Variants in FREM1 observed in about 807,000 individuals in gnomAD.
The protein encoded by FREM1 is FRAS1-related extracellular matrix protein 1.
FREM1 carries 220 observed loss-of-function variants against 210.1 expected under a neutral mutation model. The ratio of observed to expected loss-of-function variants is 1.05; its 90% confidence interval spans 0.94 to 1.17. The LOEUF is 1.17. Among genes scored for constraint, FREM1 ranks in the 50% most tolerant of loss-of-function variants. The pLI, the probability that FREM1 is intolerant of heterozygous loss-of-function variation, is 0.00. For missense variants in FREM1, 3,454 were observed against 2,675.5 expected (o/e 1.29, Z -6.42); for synonymous variants, 1,189 against 980.2 (o/e 1.21, Z -3.98).
At chr9:14,849,669 G>A (rs2131358163) in intron 6 of FREM1, among the ~76,000 whole-genome samples, 1 of 152,334 alleles carries the variant, frequency 6.6e-6, no homozygotes, top group Admixed American at 6.5e-5. Flanking sequence ...GGCAGGAGGT[G>A]TCTTTTTTGG....
intron 13 of FREM1, among the ~76,000 whole-genome samples, chr9:14,820,877 G>A (rs976034609): frequency 1.3e-5 from 2 of 152,128 alleles, no homozygotes; most frequent in Admixed American, 6.5e-5. Flanking sequence ...TCGAACAAAG[G>A]TCCATGCTTG....
intron 13 of FREM1, among the ~76,000 whole-genome samples, chr9:14,821,965 T>C (rs1206462858): frequency 6.6e-6 from 1 of 152,192 alleles, no homozygotes; most frequent in Non-Finnish European, 1.5e-5. Context: ...TGAATTGTAA[T>C]AATCCCCATG....
intron 27 of FREM1, among the ~76,000 whole-genome samples, chr9:14,763,207 T>C (rs1333673659): frequency 6.6e-6 from 1 of 152,128 alleles, no homozygotes; most frequent in African/African-American, 2.4e-5. Flanking sequence ...CAATTCTTTG[T>C]TGCGGGAGGC....
intron 21 of FREM1, among the ~76,000 whole-genome samples, chr9:14,793,509 G>A (rs1441290815): frequency 6.6e-6 from 1 of 152,200 alleles, no homozygotes; most frequent in Non-Finnish European, 1.5e-5. Flanking sequence ...AGCTGCTGCT[G>A]ATCCTACCAG....
At position 14,806,702 on chromosome 9, in the gene FREM1, G is replaced by C. The variant is rs758022620; in HGVS notation, c.3233C>G (p.Pro1078Arg). 5.0e-6 allele frequency: 8 copies of C among 1,603,068 alleles called. No homozygotes were observed. The East Asian group carries it at 1.8e-4, about 36-fold the overall frequency. ...ATTGCTTTTTTCAAAACCCACAGAA[G>C]GGAGTATATTTTCGAGGTAGCCAAA... is the stretch of plus-strand genomic sequence containing the variant. ...PQFGYLENIL[P>R]SVGFEKSNIG... The change falls in exon 18 of 37, where the codon CCT becomes CGT. Residue 1078 changes from proline (P) to arginine (R), a missense_variant. Pro to Arg is a moderately radical substitution (Grantham distance 103, BLOSUM62 -2). Coordinates refer to ENST00000380880, the MANE Select transcript of FREM1 (RefSeq NM_001379081.2).
chr9:14,902,046 A>T (rs575314243), intron 1 of FREM1, among the ~76,000 whole-genome samples: 268 of 150,230 alleles, frequency 1.8e-3, no homozygotes, highest in African/African-American at 6.4e-3. Context: ...AGATCTCACT[A>T]TGTTTCTCAG....
At position 14,739,977 on chromosome 9, in the gene FREM1, C is replaced by CA. The variant is rs377218862; in HGVS notation, c.6340+171dup. ...ATGTCTAAAAATGAAAGTAGTGTGT[C>CA]AAAAAAAAGGTTTAAGATGAGTTTT... On this transcript the variant is annotated intron_variant, in intron 36 of 36. Transcript: ENST00000380880. Among the ~76,000 whole-genome samples the CA allele has an allele frequency of 5.8e-3, 885 of 151,376 alleles. 10 individuals are homozygous for CA. The highest frequency in any genetic ancestry group is 0.021 in the African/African-American group (848 of 41,336).
chr9:14,909,921 G>A lies in FREM1; in HGVS notation c.-275C>T, dbSNP rs1818444272. ...CATAAAACAGATACTTACAGGTAGTGGTTTTCCTTTCCAAGACAAAAAGTT... is the reference window on the plus strand; with the variant it reads ...CATAAAACAGATACTTACAGGTAGTAGTTTTCCTTTCCAAGACAAAAAGTT... On this transcript the variant is annotated 5_prime_UTR_variant, in exon 1 of 37. Transcript: ENST00000380880. 6.6e-6 allele frequency: 1 copy of A among 152,244 alleles called. No individual in the cohort carries two copies. The highest frequency in any genetic ancestry group is 2.4e-5 in the African/African-American group (1 of 41,458). The allele number at this position is 152,244 out of a possible 1,614,324, so 9.4% of individuals were successfully genotyped here.
Position 14,857,561 on chromosome 9 carries a change from C to G in FREM1, c.820G>C (p.Val274Leu), listed in dbSNP as rs748504464. The change falls in exon 5 of 37, where the codon GTG becomes CTG. Residue 274 changes from valine to leucine, a missense_variant. By Grantham distance (32) the Val-to-Leu change is conservative. Coordinates refer to ENST00000380880, the MANE Select transcript of FREM1 (RefSeq NM_001379081.2). ...LDLTDTRSKIVYKSESAWLPV... is the reference protein window; with the variant it reads ...LDLTDTRSKILYKSESAWLPV... ...ATAACCCCAAACTCTACCTTGTACA[C>G]AATTTTGCTCCTGGTATCTGTGAGG... The G allele has an allele frequency of 6.2e-7, 1 of 1,613,112 alleles. No individual in the cohort carries two copies. The highest frequency in any genetic ancestry group is 2.2e-5 in the East Asian group (1 of 44,874).
intron 27 of FREM1, 149 bp from the exon 28 acceptor site, chr9:14,760,050 A>G (rs1845207141): frequency 2.0e-6 from 1 of 512,052 alleles, no homozygotes; most frequent in Non-Finnish European, 3.4e-6. Context: ...ATTTTAGTTC[A>G]CAAAGAATGT....
intron 24 of FREM1, 143 bp downstream of exon 24, chr9:14,784,227 C>T: frequency 1.5e-6 from 1 of 665,928 alleles, no homozygotes; most frequent in South Asian, 5.6e-5. Flanking sequence ...AAATTTCATT[C>T]TATAAATTTA....
In FREM1 at chr9:14,812,895, C is replaced by T. The variant is rs771479902; in HGVS notation, c.2810G>A (p.Gly937Glu). ...MFVIAREPQH[G>E]VVRRAGVTVD... ...TGTGACTCCAGCTCTCCTCACCACC[C>T]CATGCTGAGGTTCGCGAGCAATCAC... Residue 937 changes from glycine to glutamate, a missense_variant, in exon 16 of 37, where the codon GGG becomes GAG. Physicochemically the swap from Gly to Glu is moderately conservative, Grantham distance 98 (BLOSUM62 -2). Transcript: ENST00000380880. 6.2e-7 allele frequency: 1 copy of T among 1,613,704 alleles called. No homozygotes were observed. Among genetic ancestry groups the T allele is most frequent in the Non-Finnish European group, 8.5e-7 (1 of 1,179,780 alleles).
chr9:14,870,332 C>G (rs1353137246), intron 1 of FREM1, among the ~76,000 whole-genome samples: 1 of 152,180 alleles, frequency 6.6e-6, no homozygotes. Context: ...GGGGTGTACA[C>G]TTTACAGAGC....
At chr9:14,801,005 T>C (rs1445350692) in intron 20 of FREM1, among the ~76,000 whole-genome samples, 1 of 152,192 alleles carries the variant, frequency 6.6e-6, no homozygotes, top group Non-Finnish European at 1.5e-5. Flanking sequence ...TGTTTGTTTG[T>C]TTTTTGACAG....
Position 14,851,431 on chromosome 9 carries a change from G to A in FREM1, c.1005C>T (p.Asn335=). ...DETPKPLLVF[N]ITKAPLQGYV... Reference sequence around the variant, plus strand: ...AGCCCTGGAGCGGGGCTTTAGTAATGTTGAACACCAGCAAGGGTTTAGGGG... The same window carrying A: ...AGCCCTGGAGCGGGGCTTTAGTAATATTGAACACCAGCAAGGGTTTAGGGG... The change falls in exon 6 of 37, where the codon AAC becomes AAT. Residue 335 remains asparagine (N), a synonymous_variant. Transcript: ENST00000380880. 1.2e-6 allele frequency: 2 copies of A among 1,613,986 alleles called. No individual in the cohort carries two copies. Among genetic ancestry groups the A allele is most frequent in the South Asian group, 1.1e-5 (1 of 91,078 alleles).
intron 10 of FREM1, among the ~76,000 whole-genome samples, chr9:14,830,289 CT>C (rs902517489): frequency 4.2e-4 from 64 of 152,228 alleles, no homozygotes; most frequent in Admixed American, 1.4e-3. Flanking sequence ...ATTTTGTGTA[CT>C]GATTTATCAC....
intron 13 of FREM1, among the ~76,000 whole-genome samples, chr9:14,821,922 T>C (rs571159492): frequency 9.8e-5 from 15 of 152,310 alleles, no homozygotes; most frequent in Non-Finnish European, 1.9e-4. Flanking sequence ...CCTCTTCACG[T>C]GGTTTGGCCA....
intron 13 of FREM1, among the ~76,000 whole-genome samples, chr9:14,819,669 C>G (rs1820938124): frequency 6.6e-6 from 1 of 152,174 alleles, no homozygotes; most frequent in Non-Finnish European, 1.5e-5. Context: ...AGGCAGATCT[C>G]TAAGATTGAA....
At chr9:14,818,096 A>T (rs1047032738) in intron 14 of FREM1, among the ~76,000 whole-genome samples, 1 of 152,206 alleles carries the variant, frequency 6.6e-6, no homozygotes, top group Non-Finnish European at 1.5e-5. Context: ...TTAAAATATG[A>T]GAATGGATAC....
Sources: gnomAD v4.1 joint callset for allele counts (sites outside exome capture counted in the v4.1 genomes callset) on GRCh38, gnomAD v4.1.1 for gene constraint, MANE v1.5 for transcripts, NCBI Gene and HGNC (gene_info 2026-07-23, HGNC 2026-07-21) for gene names.